The following IMMP2L variants were observed in gnomAD, a reference collection of about 807,000 sequenced individuals.
IMMP2L encodes inner mitochondrial membrane peptidase subunit 2.
A neutral mutation model predicts 19.3 loss-of-function variants in IMMP2L; 18 were observed. The observed-to-expected ratio is 0.93, with a 90% CI of 0.64 to 1.38. The LOEUF (loss-of-function observed/expected upper bound fraction) is 1.38. IMMP2L is among the 40% of genes most tolerant of loss of function. The pLI is 0.00. For synonymous variants in IMMP2L, 76 were observed against 73.0 expected (o/e 1.04, Z -0.21); for missense variants, 233 against 218.2 (o/e 1.07, Z -0.43).
intron 3 of IMMP2L, among the ~76,000 whole-genome samples, chr7:111,440,064 T>C (rs1421751854): frequency 6.6e-6 from 1 of 151,932 alleles, no homozygotes. Flanking sequence ...CCACTTCTAA[T>C]TCAAACTGTT....
intron 2 of IMMP2L, among the ~76,000 whole-genome samples, chr7:111,519,547 C>T (rs777261721): frequency 3.9e-5 from 6 of 152,112 alleles, no homozygotes; most frequent in Middle Eastern, 3.4e-3. Flanking sequence ...ATCCATGAAC[C>T]GACATTTAGA....
chr7:111,251,301 T>C (rs557045560), intron 3 of IMMP2L, among the ~76,000 whole-genome samples: 1 of 152,140 alleles, frequency 6.6e-6, no homozygotes, highest in Non-Finnish European at 1.5e-5. Context: ...TATGGGGGTG[T>C]AAATTATTTC....
intron 3 of IMMP2L, among the ~76,000 whole-genome samples, chr7:111,369,505 T>C (rs1340112306): frequency 6.6e-6 from 1 of 151,900 alleles, no homozygotes; most frequent in Admixed American, 6.6e-5. Context: ...GCATTAATCA[T>C]GGATTGGTGA....
intron 3 of IMMP2L, among the ~76,000 whole-genome samples, chr7:110,976,131 C>T (rs572206912): frequency 1.3e-5 from 2 of 151,844 alleles, no homozygotes; most frequent in Non-Finnish European, 2.9e-5. Context: ...TTTAAAAATT[C>T]TCATTTGCTA....
chr7:110,884,494 G>A (rs545294427), intron 5 of IMMP2L, among the ~76,000 whole-genome samples: 48 of 152,036 alleles, frequency 3.2e-4, no homozygotes, highest in Non-Finnish European at 4.7e-4. Flanking sequence ...AACTAAAGTC[G>A]TAAATTGGCA....
intron 3 of IMMP2L, among the ~76,000 whole-genome samples, chr7:111,013,174 A>G (rs1381603549): frequency 6.6e-6 from 1 of 152,120 alleles, no homozygotes; most frequent in Non-Finnish European, 1.5e-5. Flanking sequence ...TGTGGTAAAC[A>G]TGTGTGAGAC....
At chr7:111,534,734 T>C (rs1300175203) in intron 1 of IMMP2L, among the ~76,000 whole-genome samples, 1 of 152,182 alleles carries the variant, frequency 6.6e-6, no homozygotes, top group African/African-American at 2.4e-5. Flanking sequence ...TTTTCCCCAG[T>C]ACATGAAGGT....
intron 5 of IMMP2L, among the ~76,000 whole-genome samples, chr7:110,679,112 C>T (rs1187045327): frequency 2.0e-5 from 3 of 152,162 alleles, no homozygotes; most frequent in Admixed American, 1.3e-4. Flanking sequence ...TCATTCTAGT[C>T]CCCCCAAGAC....
chr7:111,396,549 T>C lies in IMMP2L; in HGVS notation c.239+90689A>G, dbSNP rs150379010. 6.1e-3 allele frequency among the ~76,000 whole-genome samples: 926 copies of C among 152,140 alleles called. 25 individuals carry two copies. Among genetic ancestry groups the C allele is most frequent in the East Asian group, 0.049 (252 of 5,144 alleles). On this transcript the variant is annotated intron_variant, in intron 3 of 5. Transcript: ENST00000405709. ...AGCATTAGGACAAATACCTAATGCA[T>C]GCAGGGCTTGAAACCTAGATGATGG...
chr7:111,162,208 A>G (rs1458988953), intron 3 of IMMP2L, among the ~76,000 whole-genome samples: 1 of 152,130 alleles, frequency 6.6e-6, no homozygotes, highest in African/African-American at 2.4e-5. Flanking sequence ...TGTCTTTTAC[A>G]TCTCCCTAAA....
At chr7:110,935,383 C>G (rs1480497298) in intron 4 of IMMP2L, among the ~76,000 whole-genome samples, 2 of 151,986 alleles carry the variant, frequency 1.3e-5, no homozygotes, top group Non-Finnish European at 2.9e-5. Context: ...GTCTGATGGG[C>G]TTCCCTTTGT....
chr7:111,179,123 T>C (rs1409243159), intron 3 of IMMP2L, among the ~76,000 whole-genome samples: 1 of 152,056 alleles, frequency 6.6e-6, no homozygotes, highest in African/African-American at 2.4e-5. Context: ...GGCATGAAAA[T>C]AACATTAATC....
intron 4 of IMMP2L, among the ~76,000 whole-genome samples, chr7:110,893,042 G>A (rs1019253923): frequency 3.3e-5 from 5 of 151,990 alleles, no homozygotes; most frequent in Non-Finnish European, 7.4e-5. Context: ...TTCAATTGCA[G>A]ACCACCTCAA....
At chr7:110,750,984 T>A (rs886413538) in intron 5 of IMMP2L, among the ~76,000 whole-genome samples, 1 of 152,090 alleles carries the variant, frequency 6.6e-6, no homozygotes, top group Non-Finnish European at 1.5e-5. Context: ...TTGGTTCAAG[T>A]GGAAATGATA....
At chr7:111,221,987 G>A (rs1812568646) in intron 3 of IMMP2L, among the ~76,000 whole-genome samples, 1 of 151,946 alleles carries the variant, frequency 6.6e-6, no homozygotes, top group East Asian at 1.9e-4. Context: ...AGTCAGCAGG[G>A]GGATGATGGG....
At chr7:111,058,184 G>C (rs1010615820) in intron 3 of IMMP2L, among the ~76,000 whole-genome samples, 1 of 151,836 alleles carries the variant, frequency 6.6e-6, no homozygotes, top group Non-Finnish European at 1.5e-5. Flanking sequence ...CCCAAAGAGA[G>C]AAAAAAAGCC....
intron 5 of IMMP2L, among the ~76,000 whole-genome samples, chr7:110,677,413 C>G (rs1317692364): frequency 1.3e-5 from 2 of 151,888 alleles, no homozygotes; most frequent in African/African-American, 2.4e-5. Flanking sequence ...ATTTTTTCAC[C>G]AACATTTTTG....
rs545135500 is a variant in IMMP2L, at chr7:111,351,438, C to G, written c.239+135800G>C. Among the ~76,000 whole-genome samples, 542 of 152,244 alleles carry G rather than the reference C, an allele frequency of 3.6e-3. 3 individuals are homozygous for G. Among genetic ancestry groups the G allele is most frequent in the African/African-American group, 0.012 (517 of 41,556 alleles). On this transcript the variant is annotated intron_variant, in intron 3 of 5. Transcript: ENST00000405709. ...ACTCCTGACCTCGTGATCTGCCCAC[C>G]TCAGCCTCCCAAAGTTCTGGGATTA...
At chr7:111,133,950 G>A (rs551795709) in intron 3 of IMMP2L, among the ~76,000 whole-genome samples, 1 of 151,876 alleles carries the variant, frequency 6.6e-6, no homozygotes, top group African/African-American at 2.4e-5. Flanking sequence ...TATGAAATTC[G>A]TAGATGGCCA....
Sources: gnomAD v4.1 joint callset for allele counts (sites outside exome capture counted in the v4.1 genomes callset) on GRCh38, gnomAD v4.1.1 for gene constraint, MANE v1.5 for transcripts, NCBI Gene and HGNC (gene_info 2026-07-23, HGNC 2026-07-21) for gene names.